The following PRSS48 variants were observed in gnomAD, a reference collection of about 807,000 sequenced individuals.
The protein encoded by PRSS48 is epidermis-specific serine protease-like protein.
In PRSS48, 21 loss-of-function variants were observed where a neutral mutation model predicts 25.6. That is an observed-to-expected ratio of 0.82 (90% CI 0.58 to 1.18). The LOEUF is 1.18. Ranked by LOEUF, PRSS48 falls within the 50% of genes most tolerant of loss-of-function variation. The probability of loss-of-function intolerance (pLI) is 0.00; values close to 1 mark genes in which losing one functional copy is unlikely to be tolerated. For synonymous variants in PRSS48, 150 were observed against 149.3 expected, an observed-to-expected ratio of 1.00 and a Z score of -0.04; for missense variants, 373 against 399.3, an observed-to-expected ratio of 0.93 and a Z score of 0.56.
At chr4:151,287,812 C>T (rs937228067) in intron 4 of PRSS48, among the ~76,000 whole-genome samples, 1 of 152,050 alleles carries the variant, frequency 6.6e-6, no homozygotes, top group Non-Finnish European at 1.5e-5. Flanking sequence ...ACCGGGAGGT[C>T]GAGGCCACAG....
intron 3 of PRSS48, 99 bp downstream of exon 3, chr4:151,282,512 C>A (rs6849871): frequency 7.8e-7 from 1 of 1,274,572 alleles, no homozygotes; most frequent in Non-Finnish European, 1.1e-6. Context: ...AAATATTTTT[C>A]AACAAAACCA....
chr4:151,291,110 T>C lies in PRSS48; in HGVS notation c.652-8T>C, dbSNP rs202015496. On this transcript the variant is annotated splice_region_variant and splice_polypyrimidine_tract_variant and intron_variant, in intron 4 of 4. Coordinates refer to ENST00000455694, the Ensembl canonical transcript of PRSS48. ...CACTATGCTCATTACCTTTCATTTC[T>C]TCCTTAGGGTGATTCTGGAGGGCCT... 6.3e-7 allele frequency: 1 copy of C among 1,597,238 alleles called. No individual in the cohort carries two copies. The highest frequency in any genetic ancestry group is 1.3e-5 in the African/African-American group (1 of 74,510).
intron 4 of PRSS48, among the ~76,000 whole-genome samples, chr4:151,288,474 CA>C (rs932782792): frequency 6.6e-6 from 1 of 152,090 alleles, no homozygotes; most frequent in Non-Finnish European, 1.5e-5. Flanking sequence ...AGGCTGGGGG[CA>C]GTGGCTCAGG....
chr4:151,283,256 T>A, exon 4 of PRSS48: 5 of 1,613,704 alleles, frequency 3.1e-6, no homozygotes, highest in Non-Finnish European at 4.2e-6. Flanking sequence ...TTTGTGCTGG[T>A]GATACTCAAA....
At chr4:151,279,734 G>A in intron 1 of PRSS48, 62 bp from the exon 2 acceptor site, 1 of 1,494,194 alleles carries the variant, frequency 6.7e-7, no homozygotes, top group African/African-American at 1.4e-5. Flanking sequence ...ATGATGATAA[G>A]GTGGGGACCA....
chr4:151,289,242 T>C (rs1775103140), intron 4 of PRSS48, among the ~76,000 whole-genome samples: 1 of 152,130 alleles, frequency 6.6e-6, no homozygotes, highest in Non-Finnish European at 1.5e-5. Flanking sequence ...TCAAAATGGA[T>C]CTAAGACCTA....
chr4:151,291,118 G>C, exon 5 of PRSS48: 1 of 1,606,440 alleles, frequency 6.2e-7, no homozygotes, highest in South Asian at 1.1e-5. Context: ...TCTTCCTTAG[G>C]GTGATTCTGG....
intron 4 of PRSS48, among the ~76,000 whole-genome samples, chr4:151,288,575 C>T (rs1380743330): frequency 6.6e-6 from 1 of 151,782 alleles, no homozygotes; most frequent in Admixed American, 6.6e-5. Context: ...GGTGAAACCT[C>T]GTCTCTACTA....
intron 4 of PRSS48, among the ~76,000 whole-genome samples, chr4:151,286,660 G>C (rs886490321): frequency 2.0e-5 from 3 of 150,292 alleles, no homozygotes; most frequent in Non-Finnish European, 3.0e-5. Context: ...ATTCATTGAT[G>C]AATTCTACCA....
intron 4 of PRSS48, among the ~76,000 whole-genome samples, chr4:151,285,692 C>T (rs1240572339): frequency 6.6e-6 from 1 of 151,986 alleles, no homozygotes; most frequent in Non-Finnish European, 1.5e-5. Flanking sequence ...CATAGTGAGA[C>T]CTTGTCTCTA....
intron 4 of PRSS48, among the ~76,000 whole-genome samples, chr4:151,290,012 TGGTAG>T (rs1775170155): frequency 6.6e-6 from 1 of 152,180 alleles, no homozygotes. Context: ...TGAAGTGCAG[TGGTAG>T]GATCATAGTT....
Position 151,279,866 on chromosome 4 carries a change from G to GAAGGT in PRSS48, c.123_124insAAGGT (p.Gln42LysfsTer23). On this transcript the variant is annotated frameshift_variant, in exon 2 of 5. Transcript: ENST00000455694. LOFTEE classifies it high-confidence loss of function. Reference sequence around the variant, plus strand: ...ATGCTGCTGCAGGGCGCTGGCCTTGGCAGGTCAGCCTACACTTTGACCACA... The same window carrying GAAGGT: ...ATGCTGCTGCAGGGCGCTGGCCTTGGAAGGTCAGGTCAGCCTACACTTTGACCACA... 6.2e-7 allele frequency: 1 copy of GAAGGT among 1,613,164 alleles called. No homozygotes were observed. Among genetic ancestry groups the GAAGGT allele is most frequent in the Non-Finnish European group, 8.5e-7 (1 of 1,179,486 alleles).
intron 2 of PRSS48, among the ~76,000 whole-genome samples, chr4:151,280,220 C>T (rs62330876): frequency 7.4e-6 from 1 of 135,564 alleles, no homozygotes; most frequent in African/African-American, 2.6e-5. Flanking sequence ...AGATTTTTGT[C>T]GTGTTTTTGG....
intron 4 of PRSS48, among the ~76,000 whole-genome samples, chr4:151,283,597 A>G (rs369776298): frequency 3.3e-5 from 5 of 149,448 alleles, no homozygotes; most frequent in African/African-American, 7.4e-5. Context: ...AGCTTACTAC[A>G]GCCTCCAGCT....
chr4:151,281,033 A>T (rs1041859015), intron 2 of PRSS48, among the ~76,000 whole-genome samples: 4 of 152,210 alleles, frequency 2.6e-5, no homozygotes, highest in Admixed American at 6.5e-5. Context: ...ACAGGAAAAC[A>T]CAGGATCCAG....
chr4:151,289,206 C>T (rs1775100163), intron 4 of PRSS48, among the ~76,000 whole-genome samples: 1 of 152,158 alleles, frequency 6.6e-6, no homozygotes, highest in Non-Finnish European at 1.5e-5. Flanking sequence ...AACTTGGACC[C>T]TGACCTCGCC....
intron 2 of PRSS48, 45 bp from the exon 3 acceptor site, chr4:151,282,103 A>T: frequency 6.2e-7 from 1 of 1,603,464 alleles, no homozygotes; most frequent in Non-Finnish European, 8.5e-7. Flanking sequence ...GCCTGTTCTG[A>T]CCCAGCTGCA....
intron 4 of PRSS48, among the ~76,000 whole-genome samples, chr4:151,286,333 T>C (rs1343159749): frequency 6.9e-6 from 1 of 144,566 alleles, no homozygotes; most frequent in East Asian, 2.0e-4. Flanking sequence ...ATCAATAAAA[T>C]TGAAAAAAAA....
At chr4:151,291,516 T>C, downstream of PRSS48, 4 of 1,246,724 alleles carry the variant, frequency 3.2e-6, no homozygotes, top group Non-Finnish European at 4.4e-6. Flanking sequence ...GATTTTGTTT[T>C]TAAGGTTTTT....
Sources: allele counts gnomAD v4.1 joint callset (sites outside exome capture counted in the v4.1 genomes callset), GRCh38; gene constraint gnomAD v4.1.1; transcripts MANE v1.5; gene names NCBI Gene and HGNC (gene_info 2026-07-23, HGNC 2026-07-21).